The following ADCY1 variants were observed in gnomAD, a reference collection of about 807,000 sequenced individuals.
The protein encoded by ADCY1 is adenylate cyclase type 1.
Under a neutral mutation model 105.4 loss-of-function variants are expected in ADCY1, and 28 were observed. The observed-to-expected ratio is 0.27, with a 90% CI of 0.20 to 0.36. ADCY1 has a LOEUF of 0.36. Among genes scored for constraint, ADCY1 ranks in the 10% least tolerant of loss-of-function variants. The pLI, the probability that ADCY1 is intolerant of heterozygous loss-of-function variation, is 1.00. For missense variants in ADCY1, 977 were observed against 1,434.2 expected (o/e 0.68, Z 5.15); for synonymous variants, 655 against 623.8 (o/e 1.05, Z -0.75).
At position 45,718,281 on chromosome 7, in the gene ADCY1, A is replaced by G. The variant is rs1308444179; in HGVS notation, c.*4286A>G. The G allele has an allele frequency of 6.6e-6, 1 of 152,286 alleles. No homozygotes were observed. The highest frequency in any genetic ancestry group is 2.4e-5 in the African/African-American group (1 of 41,466). 9.4% of individuals were successfully genotyped at this position (152,286 alleles called of 1,614,324 possible). A position where few individuals can be genotyped will look rare whatever the true frequency, so the allele number is the denominator to read the frequency against. ...ATGCTGCAGTTTGTTGGTTTGGTGCAGAGTCTAAAGGATAACATATCAAGG... is the reference window on the plus strand; with the variant it reads ...ATGCTGCAGTTTGTTGGTTTGGTGCGGAGTCTAAAGGATAACATATCAAGG... On this transcript the variant is annotated 3_prime_UTR_variant, in exon 20 of 20. Transcript: ENST00000297323.
At position 45,594,537 on chromosome 7, in the gene ADCY1, T is replaced by A. The variant is rs1793019192; in HGVS notation, c.789+1629T>A. Among the ~76,000 whole-genome samples the A allele has an allele frequency of 2.6e-5, 4 of 152,180 alleles. No individual in the cohort carries two copies. The South Asian group carries it at 8.3e-4, about 32-fold the overall frequency. The stretch of plus-strand genomic sequence containing the variant: ...CCTCTTTTGTCTCCCTCCCATTTCC[T>A]TTTCCATACCTTCCTTTCCTACTTC... On this transcript the variant is annotated intron_variant, in intron 2 of 19. Coordinates refer to ENST00000297323, the MANE Select transcript of ADCY1 (RefSeq NM_021116.4).
At chr7:45,673,208 T>A (rs1047170911) in intron 8 of ADCY1, among the ~76,000 whole-genome samples, 6 of 152,104 alleles carry the variant, frequency 3.9e-5, no homozygotes, top group African/African-American at 1.4e-4. Context: ...TTTTTTTATA[T>A]CTACATCCAT....
At chr7:45,634,670 A>G (rs1236383692) in intron 4 of ADCY1, among the ~76,000 whole-genome samples, 2 of 152,168 alleles carry the variant, frequency 1.3e-5, no homozygotes, top group South Asian at 2.1e-4. Flanking sequence ...AAAATGATAC[A>G]CATTCAATAC....
chr7:45,574,154 G>C, upstream of ADCY1: 1 of 984,436 alleles, frequency 1.0e-6, no homozygotes, highest in Non-Finnish European at 1.2e-6. The surrounding 1 kb of genome is among the most constrained non-coding windows in gnomAD (Gnocchi z 7.0). Flanking sequence ...CACTGTGCAC[G>C]GTGGGGAAAC....
At chr7:45,701,319 A>G (rs1244785462) in intron 14 of ADCY1, among the ~76,000 whole-genome samples, 1 of 152,192 alleles carries the variant, frequency 6.6e-6, no homozygotes, top group Non-Finnish European at 1.5e-5. Flanking sequence ...GCATTTGTGG[A>G]TGGATTAAGA....
In ADCY1 at chr7:45,714,858, G is replaced by A. The variant is rs752670099; in HGVS notation, c.*863G>A. 1.3e-5 allele frequency: 2 copies of A among 152,422 alleles called. No individual in the cohort carries two copies. The highest frequency in any genetic ancestry group is 2.9e-5 in the Non-Finnish European group (2 of 68,068). The allele number at this position is 152,422 out of a possible 1,614,324, so 9.4% of individuals were successfully genotyped here. On this transcript the variant is annotated 3_prime_UTR_variant, in exon 20 of 20. Coordinates refer to ENST00000297323, the MANE Select transcript of ADCY1 (RefSeq NM_021116.4). The stretch of plus-strand genomic sequence containing the variant: ...GGCACTGTGTTTGTTCAGAGAAAAC[G>A]AAGGGTGTCATTTCTTCTTTTCCCT...
intron 7 of ADCY1, among the ~76,000 whole-genome samples, chr7:45,660,887 T>A (rs1463482628): frequency 9.5e-5 from 13 of 137,240 alleles, no homozygotes; most frequent in African/African-American, 3.7e-4. Context: ...TCAGGTGAGG[T>A]GTTCAGGGCT....
intron 8 of ADCY1, among the ~76,000 whole-genome samples, chr7:45,664,975 C>G (rs972985162): frequency 1.8e-4 from 28 of 152,252 alleles, no homozygotes; most frequent in Admixed American, 9.2e-4. Flanking sequence ...GTTCCCCTCC[C>G]TGTATCCATG....
In ADCY1 at chr7:45,574,490, G is replaced by T; in HGVS notation, c.-54G>T. The T allele has an allele frequency of 1.2e-6, 1 of 829,922 alleles. No individual in the cohort carries two copies. Among genetic ancestry groups the T allele is most frequent in the Non-Finnish European group, 1.4e-6 (1 of 693,140 alleles). 51.4% of individuals were successfully genotyped at this position (829,922 alleles called of 1,614,324 possible). Reference sequence around the variant, plus strand: ...CCGGCGCCGCCGCCCGCGCCCCGGCGCCCCGGGCCGGCGAGGGGCGCGCCC... The same window carrying T: ...CCGGCGCCGCCGCCCGCGCCCCGGCTCCCCGGGCCGGCGAGGGGCGCGCCC... On this transcript the variant is annotated 5_prime_UTR_variant, in exon 1 of 20. Transcript: ENST00000297323. This position sits in a 1 kb window ranked among gnomAD's most constrained non-coding sequence, Gnocchi z 7.0.
At chr7:45,636,534 CTGTT>C (rs891973141) in intron 4 of ADCY1, among the ~76,000 whole-genome samples, 1 of 152,012 alleles carries the variant, frequency 6.6e-6, no homozygotes, top group African/African-American at 2.4e-5. Context: ...TATTTTTAGT[CTGTT>C]TGTGTGTGTT....
chr7:45,596,436 C>T (rs1351159374), intron 2 of ADCY1, among the ~76,000 whole-genome samples: 2 of 151,950 alleles, frequency 1.3e-5, no homozygotes, highest in East Asian at 1.9e-4. Context: ...TGTGGACACA[C>T]CCCAGTCTGG....
chr7:45,609,541 C>T (rs772757976), intron 2 of ADCY1, among the ~76,000 whole-genome samples: 10 of 152,156 alleles, frequency 6.6e-5, no homozygotes, highest in African/African-American at 9.7e-5. Flanking sequence ...CCTGATTCTA[C>T]GTGGGATTTA....
At chr7:45,634,997 A>G (rs1794360423) in intron 4 of ADCY1, among the ~76,000 whole-genome samples, 1 of 152,180 alleles carries the variant, frequency 6.6e-6, no homozygotes, top group African/African-American at 2.4e-5. Context: ...ATTTTTTGGA[A>G]TAGTTTTTGT....
intron 4 of ADCY1, among the ~76,000 whole-genome samples, chr7:45,646,745 C>G (rs1270236344): frequency 6.6e-6 from 1 of 152,222 alleles, no homozygotes; most frequent in South Asian, 2.1e-4. Flanking sequence ...GGTGGGAAGG[C>G]CCCCTTCTGC....
chr7:45,596,052 C>G (rs1286130967), intron 2 of ADCY1, among the ~76,000 whole-genome samples: 1 of 152,230 alleles, frequency 6.6e-6, no homozygotes, highest in Non-Finnish European at 1.5e-5. Flanking sequence ...GCTACACAGG[C>G]ACTTTGCCCC....
chr7:45,582,474 G>A (rs991070360), intron 1 of ADCY1, among the ~76,000 whole-genome samples: 2 of 152,028 alleles, frequency 1.3e-5, no homozygotes, highest in East Asian at 1.9e-4. Flanking sequence ...GGCAGGGACC[G>A]GGCTAGGACT....
chr7:45,710,445 A>C lies in ADCY1; in HGVS notation c.2933-83A>C. 6.5e-7 allele frequency: 1 copy of C among 1,545,976 alleles called. No individual in the cohort carries two copies. The highest frequency in any genetic ancestry group is 8.8e-7 in the Non-Finnish European group (1 of 1,141,968). ...GAGCAGCCTTTTCTCCACCAGGAGC[A>C]GCATCAGGTGCATTTGGTGGCCCTG... On this transcript the variant is annotated intron_variant, in intron 18 of 19. Coordinates refer to ENST00000297323, the MANE Select transcript of ADCY1 (RefSeq NM_021116.4). This position sits in a 1 kb window ranked among gnomAD's most constrained non-coding sequence, Gnocchi z 4.7.
At chr7:45,664,054 C>A (rs1008389538) in intron 8 of ADCY1, among the ~76,000 whole-genome samples, 1 of 152,168 alleles carries the variant, frequency 6.6e-6, no homozygotes, top group South Asian at 2.1e-4. Flanking sequence ...TGACCTAGCA[C>A]GATTCTTGCT....
At chr7:45,605,146 ATTGAC>A (rs1218437953) in intron 2 of ADCY1, among the ~76,000 whole-genome samples, 1 of 152,172 alleles carries the variant, frequency 6.6e-6, no homozygotes, top group East Asian at 1.9e-4. Flanking sequence ...TAGAAATGTA[ATTGAC>A]TTTTGTATAT....
Sources: gnomAD v4.1 joint callset for allele counts (sites outside exome capture counted in the v4.1 genomes callset) on GRCh38, gnomAD v4.1.1 for gene constraint, Gnocchi (gnomAD v3.1) non-coding constraint, MANE v1.5 for transcripts, NCBI Gene and HGNC (gene_info 2026-07-23, HGNC 2026-07-21) for gene names.